RFX3: variants seen among roughly 807,000 people sequenced by gnomAD.
RFX3 encodes the protein regulatory factor X3.
RFX3 carries 14 observed loss-of-function variants against 98.6 expected under a neutral mutation model. The observed-to-expected ratio is 0.14, with a 90% CI of 0.09 to 0.22. The LOEUF is 0.22. Ranked by LOEUF, RFX3 falls within the 10% of genes least tolerant of loss-of-function variation. The pLI is 1.00. For synonymous variants in RFX3, 383 were observed against 328.4 expected, an observed-to-expected ratio of 1.17 and a Z score of -1.80; for missense variants, 639 against 926.9, an observed-to-expected ratio of 0.69 and a Z score of 4.03.
intron 13 of RFX3, among the ~76,000 whole-genome samples, chr9:3,260,176 C>T (rs1346823352): frequency 6.6e-6 from 1 of 151,988 alleles, no homozygotes; most frequent in African/African-American, 2.4e-5. Context: ...ACTACTGTGT[C>T]ATGGTACTCT....
intron 15 of RFX3, among the ~76,000 whole-genome samples, chr9:3,239,854 C>G (rs1416445743): frequency 2.6e-5 from 4 of 152,234 alleles, no homozygotes; most frequent in African/African-American, 9.6e-5. Flanking sequence ...TCCCATACCA[C>G]CTCTTCTTAT....
At position 3,293,272 on chromosome 9, in the gene RFX3, A is replaced by G. The variant is rs1288732206; in HGVS notation, c.550-14T>C. 16 of 1,561,626 alleles carry G rather than the reference A, an allele frequency of 1.0e-5. No homozygotes were observed. Among genetic ancestry groups the G allele is most frequent in the Non-Finnish European group, 1.3e-5 (15 of 1,156,514 alleles). On this transcript the variant is annotated splice_polypyrimidine_tract_variant and intron_variant, in intron 5 of 16. Coordinates refer to ENST00000617270, the MANE Select transcript of RFX3 (RefSeq NM_001282116.2). ...CAGCCACTGGAGCTAGGGAAATAAG[A>G]CACAATAAACACAGACAAATCACAT... is the stretch of plus-strand genomic sequence containing the variant.
At chr9:3,523,437 T>C (rs895020558) in intron 1 of RFX3, among the ~76,000 whole-genome samples, 2 of 152,174 alleles carry the variant, frequency 1.3e-5, no homozygotes, top group African/African-American at 4.8e-5. Context: ...AGCAATTTTA[T>C]CCCACATATA....
chr9:3,525,231 A>C (rs1300519886), intron 1 of RFX3, among the ~76,000 whole-genome samples: 1 of 152,056 alleles, frequency 6.6e-6, no homozygotes, highest in Non-Finnish European at 1.5e-5. Flanking sequence ...CCCACAAGTG[A>C]ACAACAACAA....
At chr9:3,271,646 G>T (rs1257297025) in intron 9 of RFX3, among the ~76,000 whole-genome samples, 1 of 151,828 alleles carries the variant, frequency 6.6e-6, no homozygotes, top group Non-Finnish European at 1.5e-5. Context: ...ACCTGGAAGG[G>T]TACAAAACAT....
chr9:3,321,949 C>T (rs1489421811), intron 4 of RFX3, among the ~76,000 whole-genome samples: 1 of 152,066 alleles, frequency 6.6e-6, no homozygotes, highest in Non-Finnish European at 1.5e-5. Flanking sequence ...TTCCTGCATG[C>T]ATTTGGCCTA....
At chr9:3,235,781 T>C (rs573395360) in intron 15 of RFX3, among the ~76,000 whole-genome samples, 5 of 152,278 alleles carry the variant, frequency 3.3e-5, no homozygotes, top group African/African-American at 1.2e-4. Flanking sequence ...TTCTACATAC[T>C]AACAATGTAG....
At chr9:3,489,523 T>A (rs1398162869) in intron 1 of RFX3, 1 of 485,072 alleles carries the variant, frequency 2.1e-6, no homozygotes, top group African/African-American at 2.1e-5. Context: ...ATTAACCAAT[T>A]ACTCTACCAA....
At chr9:3,410,034 G>C (rs2132151693) in intron 1 of RFX3, among the ~76,000 whole-genome samples, 1 of 152,274 alleles carries the variant, frequency 6.6e-6, no homozygotes, top group East Asian at 1.9e-4. Flanking sequence ...CACAAGGAAA[G>C]AAATACTCAT....
intron 3 of RFX3, among the ~76,000 whole-genome samples, chr9:3,340,705 T>C (rs1424311887): frequency 1.3e-5 from 2 of 152,142 alleles, no homozygotes; most frequent in Admixed American, 6.6e-5. Flanking sequence ...CACAATGAGA[T>C]ACCATCTCAC....
rs372929258 is a variant in RFX3 at position 3,319,852 on chromosome 9, C to A, written c.474+10407G>T. Reference sequence around the variant, plus strand: ...ATAAATGTTTGAGAAAGTCAGTGACCGAAAAAAAAAAAAAAACTCAGATTC... The same window carrying A: ...ATAAATGTTTGAGAAAGTCAGTGACAGAAAAAAAAAAAAAAACTCAGATTC... On this transcript the variant is annotated intron_variant, in intron 4 of 16. Transcript: ENST00000617270. 5.4e-3 allele frequency among the ~76,000 whole-genome samples: 670 copies of A among 125,204 alleles called. 1 individual carries two copies. The highest frequency in any genetic ancestry group is 7.3e-3 in the Admixed American group (97 of 13,298). 82.1% of individuals were successfully genotyped at this position (125,204 alleles called of 152,430 possible). A position where few individuals can be genotyped will look rare whatever the true frequency, so the allele number is the denominator to read the frequency against.
chr9:3,489,935 G>C (rs889753713), intron 1 of RFX3, among the ~76,000 whole-genome samples: 4 of 152,092 alleles, frequency 2.6e-5, no homozygotes, highest in Non-Finnish European at 5.9e-5. Flanking sequence ...GGGCAGGATT[G>C]GTTGGGATGG....
At chr9:3,327,653 T>C (rs1832077207) in intron 4 of RFX3, among the ~76,000 whole-genome samples, 1 of 152,054 alleles carries the variant, frequency 6.6e-6, no homozygotes, top group Non-Finnish European at 1.5e-5. Context: ...TTTTTATCCT[T>C]AACAAAACAA....
At chr9:3,367,609 T>C (rs182728587) in intron 2 of RFX3, among the ~76,000 whole-genome samples, 333 of 152,298 alleles carry the variant, frequency 2.2e-3, no homozygotes, top group Non-Finnish European at 3.5e-3. Context: ...AAAGGAATTG[T>C]TACCAACATT....
At chr9:3,375,750 G>C (rs1838390842) in intron 2 of RFX3, among the ~76,000 whole-genome samples, 1 of 152,056 alleles carries the variant, frequency 6.6e-6, no homozygotes, top group African/African-American at 2.4e-5. Flanking sequence ...CACAAGGTCA[G>C]GAGATCGAGA....
intron 1 of RFX3, among the ~76,000 whole-genome samples, chr9:3,488,373 T>C (rs780985187): frequency 3.3e-5 from 5 of 152,188 alleles, no homozygotes; most frequent in Non-Finnish European, 5.9e-5. Flanking sequence ...GGAAACGCTT[T>C]TCTGCAAATC....
intron 15 of RFX3, among the ~76,000 whole-genome samples, chr9:3,231,179 CTG>C (rs1818395893): frequency 6.6e-6 from 1 of 152,076 alleles, no homozygotes; most frequent in Non-Finnish European, 1.5e-5. Flanking sequence ...CTAGGTGTCT[CTG>C]GGATCAACGA....
At chr9:3,366,274 T>G (rs148779565) in intron 2 of RFX3, among the ~76,000 whole-genome samples, 149 of 152,262 alleles carry the variant, frequency 9.8e-4, no homozygotes, top group African/African-American at 3.4e-3. Context: ...GTACATATAG[T>G]ATAGGAACCT....
intron 1 of RFX3, chr9:3,524,424 A>G (rs933631937): frequency 1.6e-6 from 1 of 634,508 alleles, no homozygotes; most frequent in Admixed American, 6.3e-5. Context: ...TAAAAAGAAT[A>G]TGTTAAGTAC....
Sources: gnomAD v4.1 joint callset for allele counts (sites outside exome capture counted in the v4.1 genomes callset) on GRCh38, gnomAD v4.1.1 for gene constraint, MANE v1.5 for transcripts, NCBI Gene and HGNC (gene_info 2026-07-23, HGNC 2026-07-21) for gene names.